COG5: variants seen among roughly 807,000 people sequenced by gnomAD.
The protein encoded by COG5 is conserved oligomeric Golgi complex subunit 5.
A neutral mutation model predicts 110.4 loss-of-function variants in COG5; 86 were observed. That is an observed-to-expected ratio of 0.78 (90% confidence interval 0.65 to 0.93). The LOEUF (loss-of-function observed/expected upper bound fraction) is 0.93, where lower values mean the gene tolerates loss of function less well. Ranked by LOEUF, COG5 falls within the 40% of genes least tolerant of loss-of-function variation. The pLI is 0.00. For synonymous variants in COG5, 360 were observed against 334.6 expected, an observed-to-expected ratio of 1.08 and a Z score of -0.83; for missense variants, 1,077 against 987.0, an observed-to-expected ratio of 1.09 and a Z score of -1.22.
chr7:107,330,823 C>CTT (rs376987809), intron 10 of COG5, among the ~76,000 whole-genome samples: 88 of 135,612 alleles, frequency 6.5e-4, no homozygotes, highest in African/African-American at 1.5e-3. Context: ...AGCTAGATCC[C>CTT]TTTTTTTTTT....
intron 6 of COG5, among the ~76,000 whole-genome samples, chr7:107,466,630 A>G (rs1796313378): frequency 6.6e-6 from 1 of 152,236 alleles, no homozygotes; most frequent in African/African-American, 2.4e-5. Flanking sequence ...GAAGTTCAGC[A>G]GATGGTCCAT....
intron 6 of COG5, among the ~76,000 whole-genome samples, chr7:107,492,561 T>C (rs1266685088): frequency 2.0e-5 from 3 of 152,144 alleles, no homozygotes; most frequent in Admixed American, 6.6e-5. Flanking sequence ...ACTGAGGACC[T>C]CACTTCCTTG....
At chr7:107,409,473 A>C (rs1792118624) in intron 7 of COG5, among the ~76,000 whole-genome samples, 1 of 151,396 alleles carries the variant, frequency 6.6e-6, no homozygotes, top group Non-Finnish European at 1.5e-5. Flanking sequence ...GGACTATATG[A>C]GAAGTCAAGA....
intron 7 of COG5, among the ~76,000 whole-genome samples, chr7:107,405,395 C>T (rs1328137525): frequency 6.6e-6 from 1 of 152,140 alleles, no homozygotes; most frequent in Non-Finnish European, 1.5e-5. Flanking sequence ...GAAGAAAAGG[C>T]ACTAGCTCCC....
At position 107,283,931 on chromosome 7, in the gene COG5, C is replaced by CTTTTTTTTTTTTTT. The variant is rs71522833; in HGVS notation, c.1314-200_1314-199insAAAAAAAAAAAAAA. Among the ~76,000 whole-genome samples the CTTTTTTTTTTTTTT allele has an allele frequency of 0.11, 14,940 of 138,246 alleles. 1,207 individuals carry two copies. The highest frequency in any genetic ancestry group is 0.16 in the Non-Finnish European group (10,240 of 62,616). The allele number at this position is 138,246 out of a possible 152,430, so 90.7% of individuals were successfully genotyped here. ...ATTAAACATTCAGGACCATAGTAACCTTTTTTTTTTTGAGACGTAGTCTCA... is the reference window on the plus strand; with the variant it reads ...ATTAAACATTCAGGACCATAGTAACCTTTTTTTTTTTTTTTTTTTTTTTTTGAGACGTAGTCTCA... On this transcript the variant is annotated intron_variant, in intron 12 of 21. Coordinates refer to ENST00000297135, the MANE Select transcript of COG5 (RefSeq NM_006348.5).
At chr7:107,466,468 A>C (rs1365173571) in intron 6 of COG5, among the ~76,000 whole-genome samples, 1 of 152,214 alleles carries the variant, frequency 6.6e-6, no homozygotes, top group Non-Finnish European at 1.5e-5. Flanking sequence ...GAAGGATGGG[A>C]AAGAATGGCT....
rs1179807936 is a variant in COG5 at position 107,270,343 on chromosome 7, C to T, written c.1575+10957G>A. Among the ~76,000 whole-genome samples, 18 of 151,682 alleles carry T rather than the reference C, an allele frequency of 1.2e-4. No individual in the cohort carries two copies. The East Asian group carries it at 3.3e-3, about 28-fold the overall frequency. On this transcript the variant is annotated intron_variant, in intron 14 of 21. Transcript: ENST00000297135. ...GGCCATGATCTTGGTTCGCTACAGC[C>T]TCCACCTTCTGGGATCAAGTGATCC... is the stretch of plus-strand genomic sequence containing the variant.
At chr7:107,203,666 G>C (rs369522129) in intron 21 of COG5, 36 bp from the exon 22 acceptor site, 26 of 1,303,126 alleles carry the variant, frequency 2.0e-5, no homozygotes, top group African/African-American at 2.9e-5. Context: ...CAAAATATTA[G>C]ATAAATCACA....
At chr7:107,384,592 G>A (rs1183179329) in intron 7 of COG5, among the ~76,000 whole-genome samples, 1 of 152,130 alleles carries the variant, frequency 6.6e-6, no homozygotes, top group East Asian at 1.9e-4. Flanking sequence ...GTGGCCATGG[G>A]ACGAACAAGG....
intron 6 of COG5, among the ~76,000 whole-genome samples, chr7:107,505,060 G>C (rs1798892332): frequency 6.6e-6 from 1 of 152,168 alleles, no homozygotes; most frequent in Non-Finnish European, 1.5e-5. Flanking sequence ...GGTCATGTGA[G>C]CAAGTTCACT....
intron 14 of COG5, among the ~76,000 whole-genome samples, chr7:107,270,608 C>T (rs750262239): frequency 1.3e-5 from 2 of 150,570 alleles, no homozygotes; most frequent in Non-Finnish European, 3.0e-5. Context: ...AAATCTAGAC[C>T]CAAGAAAAGA....
intron 10 of COG5, among the ~76,000 whole-genome samples, chr7:107,342,415 C>T (rs949367882): frequency 1.3e-4 from 20 of 148,658 alleles, no homozygotes; most frequent in African/African-American, 2.2e-4. Flanking sequence ...CGGTGGCTCA[C>T]ACCTATAATC....
rs58281094 is a variant in COG5, at chr7:107,529,024, T to TAAAAAAAAAAAA, written c.418-1679_418-1668dup. Among the ~76,000 whole-genome samples, 188 of 97,830 alleles carry TAAAAAAAAAAAA rather than the reference T, an allele frequency of 1.9e-3. 10 individuals are homozygous for TAAAAAAAAAAAA. The highest frequency in any genetic ancestry group is 7.6e-3 in the African/African-American group (153 of 20,070). 64.2% of individuals were successfully genotyped at this position (97,830 alleles called of 152,430 possible). A position where few individuals can be genotyped will look rare whatever the true frequency, so the allele number is the denominator to read the frequency against. ...GAGAAACTAATCTGAAATACTTAAA[T>TAAAAAAAAAAAA]AAAAAAAAAAAAAAAGGAATGCCAA... On this transcript the variant is annotated intron_variant, in intron 5 of 21. Coordinates refer to ENST00000297135, the MANE Select transcript of COG5 (RefSeq NM_006348.5).
chr7:107,364,978 TGTTATATAAA>T (rs2129047291), intron 8 of COG5, among the ~76,000 whole-genome samples: 1 of 152,232 alleles, frequency 6.6e-6, no homozygotes, highest in Non-Finnish European at 1.5e-5. Flanking sequence ...CTGTCTCATA[TGTTATATAAA>T]GAATGAACTC....
At position 107,412,478 on chromosome 7, in the gene COG5, A is replaced by T. The variant is rs199735196; in HGVS notation, c.669+24T>A. 5,072 of 1,600,526 alleles carry T rather than the reference A, an allele frequency of 3.2e-3. 47 individuals carry two copies. Among genetic ancestry groups the T allele is most frequent in the South Asian group, 0.016 (1,411 of 90,850 alleles). ...TGTATTATGACACATTTTTTACATT[A>T]AAAAACAGTCTTATTTTTATTACCT... On this transcript the variant is annotated intron_variant, in intron 7 of 21. Transcript: ENST00000297135.
At chr7:107,358,915 T>G (rs1562987541) in intron 10 of COG5, among the ~76,000 whole-genome samples, 1 of 152,132 alleles carries the variant, frequency 6.6e-6, no homozygotes, top group Non-Finnish European at 1.5e-5. Context: ...CATGCATCTT[T>G]TTTTCCTTTT....
chr7:107,301,048 C>T (rs1354822747), intron 11 of COG5, among the ~76,000 whole-genome samples: 2 of 152,098 alleles, frequency 1.3e-5, no homozygotes, highest in African/African-American at 4.8e-5. Flanking sequence ...ATTTAGTAGA[C>T]ACAGGGTAGA....
chr7:107,507,355 G>A lies in COG5; in HGVS notation c.538+19882C>T, dbSNP rs572372693. Among the ~76,000 whole-genome samples the A allele has an allele frequency of 4.1e-4, 60 of 147,310 alleles. 1 individual carries two copies. The South Asian group carries it at 0.012, about 29-fold the overall frequency. On this transcript the variant is annotated intron_variant, in intron 6 of 21. Transcript: ENST00000297135. The stretch of plus-strand genomic sequence containing the variant: ...GTCACCCAGGCTGGAGTGCAGTGGT[G>A]CAATCTCCGCTCACTGCAAGCTCTG...
chr7:107,476,183 T>TAAAAAAAAAAAAAAAAAAAAAAAAA lies in COG5; in HGVS notation c.538+51053_538+51054insTTTTTTTTTTTTTTTTTTTTTTTTT, dbSNP rs1563056700. Among the ~76,000 whole-genome samples, 54 of 86,422 alleles carry TAAAAAAAAAAAAAAAAAAAAAAAAA rather than the reference T, an allele frequency of 6.2e-4. 2 individuals carry two copies. The highest frequency in any genetic ancestry group is 1.5e-3 in the East Asian group (4 of 2,678). The allele number at this position is 86,422 out of a possible 152,430, so 56.7% of individuals were successfully genotyped here. The stretch of plus-strand genomic sequence containing the variant: ...TCTGGATTAATATAGTGCAATGATT[T>TAAAAAAAAAAAAAAAAAAAAAAAAA]TAAAAAAAAAAAAAAAAAAAAAAAG... On this transcript the variant is annotated intron_variant, in intron 6 of 21. Transcript: ENST00000297135.
Sources: allele counts gnomAD v4.1 joint callset (sites outside exome capture counted in the v4.1 genomes callset), GRCh38; gene constraint gnomAD v4.1.1; transcripts MANE v1.5; gene names NCBI Gene and HGNC (gene_info 2026-07-23, HGNC 2026-07-21).